The following FAM83H variants were observed in gnomAD, a reference collection of about 807,000 sequenced individuals.
The protein encoded by FAM83H is protein FAM83H.
A neutral mutation model predicts 30.2 loss-of-function variants in FAM83H; 24 were observed. The observed-to-expected ratio is 0.79, with a 90% CI of 0.57 to 1.12. FAM83H has a LOEUF of 1.12. Ranked by LOEUF, FAM83H falls within the 50% of genes most tolerant of loss-of-function variation. FAM83H has a pLI of 0.00. For missense variants in FAM83H, 2,038 were observed against 1,773.9 expected (o/e 1.15, Z -2.67); for synonymous variants, 1,013 against 821.7 (o/e 1.23, Z -3.98).
chr8:143,732,001 C>T, intron 1 of FAM83H: 9 of 985,438 alleles, frequency 9.1e-6, no homozygotes, highest in Non-Finnish European at 1.1e-5. Flanking sequence ...GACACCTGTC[C>T]CCGCCTAGCA....
In FAM83H at chr8:143,725,730, G is replaced by A; in HGVS notation, c.*191C>T. On this transcript the variant is annotated 3_prime_UTR_variant, in exon 5 of 5. Transcript: ENST00000388913. Reference sequence around the variant, plus strand: ...GCAGCCCCAGCGTTGGGGAGGCCAGGGGGCAGAGACGGCAGCTGCCAGGTG... The same window carrying A: ...GCAGCCCCAGCGTTGGGGAGGCCAGAGGGCAGAGACGGCAGCTGCCAGGTG... 1 of 948,942 alleles carries A rather than the reference G, an allele frequency of 1.1e-6. No homozygotes were observed. Among genetic ancestry groups the A allele is most frequent in the Non-Finnish European group, 1.5e-6 (1 of 649,906 alleles). The allele number at this position is 948,942 out of a possible 1,614,324, so 58.8% of individuals were successfully genotyped here. A position where few individuals can be genotyped will look rare whatever the true frequency, so the allele number is the denominator to read the frequency against.
chr8:143,730,365 T>C lies in FAM83H; in HGVS notation c.218A>G (p.Tyr73Cys), dbSNP rs782114394. ...HVSRHLRPPQ[Y>C]VTREPPEGSL... ...GCCTTCAGGTGGCTCTCGGGTAACATACTGCGGAGGCCGAAGGTGTCGGCT... is the reference window on the plus strand; with the variant it reads ...GCCTTCAGGTGGCTCTCGGGTAACACACTGCGGAGGCCGAAGGTGTCGGCT... The change falls in exon 2 of 5, where the codon TAT becomes TGT. Residue 73 changes from tyrosine to cysteine, a missense_variant. Physicochemically the swap from Tyr to Cys is radical, Grantham distance 194 (BLOSUM62 -2). Coordinates refer to ENST00000388913, the MANE Select transcript of FAM83H (RefSeq NM_198488.5). 3.1e-6 allele frequency: 5 copies of C among 1,613,548 alleles called. No individual in the cohort carries two copies. In the African/African-American group the frequency reaches 4.0e-5, roughly 13 times the overall value.
In FAM83H at chr8:143,729,144, C is replaced by T. The variant is rs1469134489; in HGVS notation, c.612+15G>A. On this transcript the variant is annotated intron_variant, in intron 3 of 4. Coordinates refer to ENST00000388913, the MANE Select transcript of FAM83H (RefSeq NM_198488.5). ...CCCACGGGTCCTCCCCAATCTCCCA[C>T]TCCCGGGAACTCACATCCACGTGCT... 21 of 1,613,572 alleles carry T rather than the reference C, an allele frequency of 1.3e-5. No homozygotes were observed. Among genetic ancestry groups the T allele is most frequent in the East Asian group, 4.5e-5 (2 of 44,890 alleles).
At chr8:143,728,887 G>A in intron 4 of FAM83H, 80 bp downstream of exon 4, 1 of 1,608,196 alleles carries the variant, frequency 6.2e-7, no homozygotes, top group Non-Finnish European at 8.5e-7. Flanking sequence ...CTGGCGAGGA[G>A]GGCCCTGGTG....
At position 143,728,733 on chromosome 8, in the gene FAM83H, G is replaced by A; in HGVS notation, c.738-10C>T. Reference sequence around the variant, plus strand: ...AAAGGACCACATGAAGCTGTGGGGGGGTCAGGGCCAGAGTCAAACCGAGCT... The same window carrying A: ...AAAGGACCACATGAAGCTGTGGGGGAGTCAGGGCCAGAGTCAAACCGAGCT... On this transcript the variant is annotated splice_polypyrimidine_tract_variant and intron_variant, in intron 4 of 4. Coordinates refer to ENST00000388913, the MANE Select transcript of FAM83H (RefSeq NM_198488.5). The A allele has an allele frequency of 6.3e-7, 1 of 1,598,814 alleles. No individual in the cohort carries two copies. Among genetic ancestry groups the A allele is most frequent in the Non-Finnish European group, 8.5e-7 (1 of 1,179,864 alleles).
chr8:143,729,337 T>C lies in FAM83H; in HGVS notation c.448-14A>G. 6.2e-7 allele frequency: 1 copy of C among 1,612,200 alleles called. No homozygotes were observed. The highest frequency in any genetic ancestry group is 8.5e-7 in the Non-Finnish European group (1 of 1,179,856). On this transcript the variant is annotated splice_polypyrimidine_tract_variant and intron_variant, in intron 2 of 4. Coordinates refer to ENST00000388913, the MANE Select transcript of FAM83H (RefSeq NM_198488.5). The stretch of plus-strand genomic sequence containing the variant: ...CACGGCCACCACCTGCAGGGGCGGG[T>C]CAGGACGGAGAGGAGAGGCCCCTGC...
Position 143,727,491 on chromosome 8 carries a change from G to T in FAM83H, c.1970C>A (p.Pro657Gln), listed in dbSNP as rs1368656097. 1 of 1,569,036 alleles carries T rather than the reference G, an allele frequency of 6.4e-7. No homozygotes were observed. The highest frequency in any genetic ancestry group is 8.6e-7 in the Non-Finnish European group (1 of 1,164,960). The change falls in exon 5 of 5, where the codon CCG becomes CAG. Residue 657 changes from proline (P) to glutamine (Q), a missense_variant. Transcript: ENST00000388913. ...SGGNGPEREG[P>Q]EEPGLAKQDS... ...CTGCTTGGCCAGGCCAGGCTCCTCCGGGCCCTCGCGCTCTGGGCCGTTGCC... is the reference window on the plus strand; with the variant it reads ...CTGCTTGGCCAGGCCAGGCTCCTCCTGGCCCTCGCGCTCTGGGCCGTTGCC...
chr8:143,727,005 A>G lies in FAM83H; in HGVS notation c.2456T>C (p.Leu819Pro). The change falls in exon 5 of 5, where the codon CTG becomes CCG. Residue 819 changes from leucine (L) to proline (P), a missense_variant. Coordinates refer to ENST00000388913, the MANE Select transcript of FAM83H (RefSeq NM_198488.5). ...PGAASLTAAQ[L>P]LDTLGRSGSD... Reference sequence around the variant, plus strand: ...GCCGCTCCGGCCCAGTGTGTCGAGCAGCTGCGCCGCGGTGAGCGACGCGGC... The same window carrying G: ...GCCGCTCCGGCCCAGTGTGTCGAGCGGCTGCGCCGCGGTGAGCGACGCGGC... 1 of 1,583,750 alleles carries G rather than the reference A, an allele frequency of 6.3e-7. No homozygotes were observed. Among genetic ancestry groups the G allele is most frequent in the Non-Finnish European group, 8.6e-7 (1 of 1,167,716 alleles).
In FAM83H at chr8:143,724,763, C is replaced by T. The variant is rs7463064; in HGVS notation, c.*1158G>A. On this transcript the variant is annotated 3_prime_UTR_variant, in exon 5 of 5. Transcript: ENST00000388913. ...AGCCCTTCTAGCGCCTGGCTTGGGCCGGGCCTGTGCAGGGGGTGCTCATGA... is the reference window on the plus strand; with the variant it reads ...AGCCCTTCTAGCGCCTGGCTTGGGCTGGGCCTGTGCAGGGGGTGCTCATGA... The T allele has an allele frequency of 0.58, 87,913 of 152,404 alleles. 30,195 individuals carry two copies. Among genetic ancestry groups the T allele is most frequent in the Non-Finnish European group, 0.76 (52,053 of 68,198 alleles). 9.4% of individuals were successfully genotyped at this position (152,404 alleles called of 1,614,324 possible).
Position 143,725,595 on chromosome 8 carries a change from C to A in FAM83H, c.*326G>T. 1 of 476,344 alleles carries A rather than the reference C, an allele frequency of 2.1e-6. No homozygotes were observed. The allele number at this position is 476,344 out of a possible 1,614,324, so 29.5% of individuals were successfully genotyped here. On this transcript the variant is annotated 3_prime_UTR_variant, in exon 5 of 5. Transcript: ENST00000388913. Reference sequence around the variant, plus strand: ...CTAGGTCTCAAAAAAATAAAGGGGGCGGGGGGGACTGAGGCACAAAGAGAT... The same window carrying A: ...CTAGGTCTCAAAAAAATAAAGGGGGAGGGGGGGACTGAGGCACAAAGAGAT...
rs1554624128 is a variant in FAM83H, at chr8:143,730,387, G to A, written c.196C>T (p.Arg66Ter). ...ACATACTGCGGAGGCCGAAGGTGTC[G>A]GCTCACATGTTCCAGCTCTTCAGGG... ...LCPEELEHVSRHLRPPQYVTR... is the reference protein window; with the variant it reads ...LCPEELEHVS The change falls in exon 2 of 5, where the codon CGA (arginine) becomes TGA (stop). Residue 66 changes from arginine (R) to a stop codon, truncating the protein, a stop_gained. Coordinates refer to ENST00000388913, the MANE Select transcript of FAM83H (RefSeq NM_198488.5). LOFTEE classifies it high-confidence loss of function. 3.1e-6 allele frequency: 5 copies of A among 1,613,280 alleles called. No homozygotes were observed. Among genetic ancestry groups the A allele is most frequent in the Admixed American group, 1.7e-5 (1 of 60,014 alleles).
intron 1 of FAM83H, chr8:143,732,469 T>C: frequency 1.0e-6 from 1 of 985,338 alleles, no homozygotes; most frequent in Non-Finnish European, 1.2e-6. Flanking sequence ...ACAACCCTGC[T>C]GATGTTGTTT....
At position 143,728,183 on chromosome 8, in the gene FAM83H, C is replaced by A. The variant is rs1414606943; in HGVS notation, c.1278G>T (p.Ala426=). The A allele has an allele frequency of 6.2e-7, 1 of 1,605,846 alleles. No homozygotes were observed. The highest frequency in any genetic ancestry group is 1.3e-5 in the African/African-American group (1 of 74,740). The change falls in exon 5 of 5, where the codon GCG becomes GCT. Residue 426 remains alanine, a synonymous_variant. Transcript: ENST00000388913. ...GGAACGTCTGCCGCGACACCTGCCG[C>A]GCGGCCGCGAAGTTCTCCACGGCGC... is the stretch of plus-strand genomic sequence containing the variant. ...GAGAVENFAA[A]RQVSRQTFLS...
At position 143,725,940 on chromosome 8, in the gene FAM83H, G is replaced by A. The variant is rs782634581; in HGVS notation, c.3521C>T (p.Thr1174Met). The part of the protein sequence containing the change: ...VGKFVPKILG[T>M]FKSKK The stretch of plus-strand genomic sequence containing the variant: ...GAAGACTCACTTCTTGCTTTTGAAC[G>A]TGCCCAGGATCTTGGGCACGAACTT... Residue 1174 changes from threonine (T) to methionine (M), a missense_variant, in exon 5 of 5, where the codon ACG becomes ATG. Physicochemically the swap from Thr to Met is moderately conservative, Grantham distance 81. Coordinates refer to ENST00000388913, the MANE Select transcript of FAM83H (RefSeq NM_198488.5). 3.7e-6 allele frequency: 6 copies of A among 1,612,956 alleles called. No individual in the cohort carries two copies. Among genetic ancestry groups the A allele is most frequent in the South Asian group, 3.3e-5 (3 of 91,074 alleles).
At position 143,729,177 on chromosome 8, in the gene FAM83H, G is replaced by T. The variant is rs1202596701; in HGVS notation, c.594C>A (p.Val198=). ...HFLDMADKCR[V]NLQHVDFLRV... ...AACTCACATCCACGTGCTGCAGGTT[G>T]ACACGGCACTTGTCGGCCATGTCCA... Residue 198 remains valine, a synonymous_variant, in exon 3 of 5, where the codon GTC becomes GTA. Coordinates refer to ENST00000388913, the MANE Select transcript of FAM83H (RefSeq NM_198488.5). The T allele has an allele frequency of 6.2e-7, 1 of 1,613,600 alleles. No individual in the cohort carries two copies. The highest frequency in any genetic ancestry group is 8.5e-7 in the Non-Finnish European group (1 of 1,180,028).
rs1554621659 is a variant in FAM83H at position 143,726,253 on chromosome 8, C to A, written c.3208G>T (p.Glu1070Ter). ...PSPGPTHNSP[E>*]LGRPPAAGVL... ...CCAGCAGCCGGTGGACGGCCTAGCT[C>A]GGGGCTGTTGTGGGTCGGGCCGGGG... Residue 1070 changes from glutamate (E) to a stop codon, truncating the protein, a stop_gained, in exon 5 of 5, where the codon GAG (glutamate) becomes TAG (stop). Transcript: ENST00000388913. LOFTEE classifies it high-confidence loss of function. The A allele has an allele frequency of 6.2e-7, 1 of 1,612,134 alleles. No homozygotes were observed. The highest frequency in any genetic ancestry group is 8.5e-7 in the Non-Finnish European group (1 of 1,179,718).
rs1818207650 is a variant in FAM83H, at chr8:143,724,436, G to A, written c.*1485C>T. On this transcript the variant is annotated 3_prime_UTR_variant, in exon 5 of 5. Transcript: ENST00000388913. ...ACGAGGCTATCATCTAACAGTGGGG[G>A]CTTTCTACACACGTGGTGCCAAAAT... 1 of 148,590 alleles carries A rather than the reference G, an allele frequency of 6.7e-6. No individual in the cohort carries two copies. The highest frequency in any genetic ancestry group is 2.2e-4 in the South Asian group (1 of 4,606). The allele number at this position is 148,590 out of a possible 1,614,324, so 9.2% of individuals were successfully genotyped here.
intron 1 of FAM83H, chr8:143,731,488 A>G (rs1037507552): frequency 1.3e-5 from 13 of 985,298 alleles, no homozygotes; most frequent in Non-Finnish European, 1.3e-5. Flanking sequence ...TCAGGGTTTC[A>G]CAATTGGGCT....
chr8:143,728,683 G>A lies in FAM83H; in HGVS notation c.778C>T (p.His260Tyr). The change falls in exon 5 of 5, where the codon CAC (histidine) becomes TAC (tyrosine). Residue 260 changes from histidine (H) to tyrosine (Y), a missense_variant. Physicochemically the swap from His to Tyr is moderately conservative, Grantham distance 83. Transcript: ENST00000388913. ...SFEKIHRSLA[H>Y]VFQGELVSSF... Reference sequence around the variant, plus strand: ...GAGACCAGCTCTCCTTGGAACACGTGCGCCAGGCTGCGGTGGATCTTCTCA... The same window carrying A: ...GAGACCAGCTCTCCTTGGAACACGTACGCCAGGCTGCGGTGGATCTTCTCA... 6.2e-7 allele frequency: 1 copy of A among 1,601,728 alleles called. No homozygotes were observed. Among genetic ancestry groups the A allele is most frequent in the Non-Finnish European group, 8.5e-7 (1 of 1,179,866 alleles).
Sources: allele counts gnomAD v4.1 joint callset, GRCh38; gene constraint gnomAD v4.1.1; transcripts MANE v1.5; gene names NCBI Gene and HGNC (gene_info 2026-07-23, HGNC 2026-07-21).